Variants in PID1 observed in about 807,000 individuals in gnomAD.
PID1 encodes the protein PTB-containing, cubilin and LRP1-interacting protein.
A neutral mutation model predicts 19.1 loss-of-function variants in PID1; 10 were observed. That is an observed-to-expected ratio of 0.52 (90% CI 0.32 to 0.89). PID1 has a LOEUF of 0.89. Among genes scored for constraint, PID1 ranks in the 40% least tolerant of loss-of-function variants. PID1 has a pLI of 0.03. For synonymous variants in PID1, 130 were observed against 116.0 expected, an observed-to-expected ratio of 1.12 and a Z score of -0.78; for missense variants, 248 against 285.3, an observed-to-expected ratio of 0.87 and a Z score of 0.94.
chr2:229,229,295 A>T (rs933374517), intron 1 of PID1, among the ~76,000 whole-genome samples: 1 of 151,956 alleles, frequency 6.6e-6, no homozygotes, highest in African/African-American at 2.4e-5. Context: ...GGCCTCCCAA[A>T]CTCCACATTG....
intron 1 of PID1, among the ~76,000 whole-genome samples, chr2:229,168,095 T>C (rs1690639427): frequency 6.6e-6 from 1 of 152,200 alleles, no homozygotes; most frequent in African/African-American, 2.4e-5. Context: ...AGATTTTCTA[T>C]TTATTTTTAG....
intron 2 of PID1, among the ~76,000 whole-genome samples, chr2:229,072,749 GT>G: frequency 6.6e-6 from 1 of 152,136 alleles, no homozygotes; most frequent in South Asian, 2.1e-4. Context: ...CAAAGCCAAG[GT>G]ACTCATCAAA....
intron 1 of PID1, among the ~76,000 whole-genome samples, chr2:229,171,859 A>G (rs553955746): frequency 6.6e-6 from 1 of 152,282 alleles, no homozygotes; most frequent in Non-Finnish European, 1.5e-5. Flanking sequence ...CATCAACTCC[A>G]TAGCTTCAAC....
intron 2 of PID1, among the ~76,000 whole-genome samples, chr2:229,076,139 G>C (rs1694553166): frequency 6.6e-6 from 1 of 152,124 alleles, no homozygotes; most frequent in Non-Finnish European, 1.5e-5. Flanking sequence ...AAGTTTCCTT[G>C]CGTAGGGCCC....
At chr2:229,165,657 A>G (rs549844482) in intron 1 of PID1, among the ~76,000 whole-genome samples, 1 of 152,316 alleles carries the variant, frequency 6.6e-6, no homozygotes, top group Middle Eastern at 3.4e-3. Flanking sequence ...TTAATAAACC[A>G]GTTAATGAAA....
At chr2:229,208,695 C>T (rs865994983) in intron 1 of PID1, among the ~76,000 whole-genome samples, 27 of 152,154 alleles carry the variant, frequency 1.8e-4, no homozygotes, top group South Asian at 1.0e-3. Flanking sequence ...TATTTCTTAA[C>T]GAACAAAACT....
At chr2:229,089,580 G>A (rs1222044507) in intron 2 of PID1, among the ~76,000 whole-genome samples, 1 of 152,074 alleles carries the variant, frequency 6.6e-6, no homozygotes, top group Non-Finnish European at 1.5e-5. Flanking sequence ...ATCTTTCCTC[G>A]CAGATTTCAT....
chr2:229,252,793 A>T (rs1690188647), intron 1 of PID1, among the ~76,000 whole-genome samples: 1 of 152,116 alleles, frequency 6.6e-6, no homozygotes, highest in Non-Finnish European at 1.5e-5. Context: ...ACTAATTTGA[A>T]TTTCTTTGGT....
intron 1 of PID1, among the ~76,000 whole-genome samples, chr2:229,202,984 A>C (rs1691530793): frequency 6.6e-6 from 1 of 152,112 alleles, no homozygotes; most frequent in Non-Finnish European, 1.5e-5. Flanking sequence ...CACAATTCAG[A>C]TTTAGAAAAC....
At chr2:229,067,640 A>G (rs1463993432) in intron 2 of PID1, among the ~76,000 whole-genome samples, 2 of 151,838 alleles carry the variant, frequency 1.3e-5, no homozygotes, top group African/African-American at 2.4e-5. Context: ...CCCATTACCA[A>G]TCCTCCATGA....
intron 1 of PID1, among the ~76,000 whole-genome samples, chr2:229,194,949 G>A (rs1291703071): frequency 6.6e-6 from 1 of 151,630 alleles, no homozygotes; most frequent in African/African-American, 2.4e-5. Flanking sequence ...GTAAGCAAAT[G>A]ATTACTACGA....
chr2:229,067,442 G>A (rs933550019), intron 2 of PID1, among the ~76,000 whole-genome samples: 12 of 152,176 alleles, frequency 7.9e-5, no homozygotes, highest in Non-Finnish European at 1.6e-4. Flanking sequence ...GGGGGAATGT[G>A]AAGTTTATAC....
intron 2 of PID1, among the ~76,000 whole-genome samples, chr2:229,059,954 AT>A (rs1179377537): frequency 6.6e-6 from 1 of 151,762 alleles, no homozygotes; most frequent in African/African-American, 2.4e-5. Flanking sequence ...CTCAGGTCCT[AT>A]TTTTTCCCAC....
intron 2 of PID1, among the ~76,000 whole-genome samples, chr2:229,116,478 C>T (rs1374160755): frequency 1.3e-5 from 2 of 151,896 alleles, no homozygotes; most frequent in East Asian, 3.9e-4. Context: ...ATTGTAGCTC[C>T]CATAATTCCC....
intron 2 of PID1, among the ~76,000 whole-genome samples, chr2:229,035,534 G>GTC (rs924058585): frequency 7.6e-6 from 1 of 131,856 alleles, no homozygotes; most frequent in African/African-American, 2.9e-5. Flanking sequence ...GTGTGTGTGT[G>GTC]TGTGTGCACC....
At chr2:229,160,929 T>C (rs1242973887) in intron 1 of PID1, among the ~76,000 whole-genome samples, 1 of 152,228 alleles carries the variant, frequency 6.6e-6, no homozygotes, top group East Asian at 1.9e-4. Flanking sequence ...GAGTTATACC[T>C]GCTTCTGCTT....
intron 1 of PID1, among the ~76,000 whole-genome samples, chr2:229,207,217 T>C (rs1258950037): frequency 3.3e-5 from 5 of 152,058 alleles, no homozygotes. Context: ...TCTAGACAAA[T>C]ACTTGCATAA....
At chr2:229,076,614 A>C (rs1450983507) in intron 2 of PID1, among the ~76,000 whole-genome samples, 1 of 151,346 alleles carries the variant, frequency 6.6e-6, no homozygotes, top group Admixed American at 6.6e-5. Flanking sequence ...TCATTGGTCA[A>C]CTCCCACTTA....
rs1370958574 is a variant in PID1, at chr2:229,046,375, T to TGC, written c.178-20268_178-20267insGC. ...GTGTGTGTGTGTGTGTGTGTGTGTG[T>TGC]GTGTGCGTGTGTGTGTGTGTGTGAG... On this transcript the variant is annotated intron_variant, in intron 2 of 2. Coordinates refer to ENST00000392055, the MANE Select transcript of PID1 (RefSeq NM_001100818.2). Among the ~76,000 whole-genome samples, 57 of 147,752 alleles carry TGC rather than the reference T, an allele frequency of 3.9e-4. 1 individual carries two copies. Among genetic ancestry groups the TGC allele is most frequent in the African/African-American group, 1.4e-3 (54 of 39,178 alleles).
Sources: allele counts gnomAD v4.1 joint callset (sites outside exome capture counted in the v4.1 genomes callset), GRCh38; gene constraint gnomAD v4.1.1; transcripts MANE v1.5; gene names NCBI Gene and HGNC (gene_info 2026-07-23, HGNC 2026-07-21).